PGGT1B: variants seen among roughly 807,000 people sequenced by gnomAD.
The protein encoded by PGGT1B is protein geranylgeranyltransferase type I subunit beta, also known as geranylgeranyl transferase type-1 subunit beta.
In PGGT1B, 30 loss-of-function variants were observed where a neutral mutation model predicts 46.1. That is an observed-to-expected ratio of 0.65 (90% CI 0.49 to 0.88). The LOEUF is 0.88. PGGT1B is among the 40% of genes least tolerant of loss of function. The pLI is 0.00. For missense variants in PGGT1B, 376 were observed against 455.9 expected, an observed-to-expected ratio of 0.82 and a Z score of 1.60; for synonymous variants, 170 against 160.0, an observed-to-expected ratio of 1.06 and a Z score of -0.47.
chr5:115,224,542 T>C (rs2126998063), intron 6 of PGGT1B, among the ~76,000 whole-genome samples: 1 of 152,268 alleles, frequency 6.6e-6, no homozygotes, highest in East Asian at 1.9e-4. Flanking sequence ...TACACAAATC[T>C]CTAAAAAACT....
intron 2 of PGGT1B, among the ~76,000 whole-genome samples, chr5:115,243,073 G>T (rs1757397671): frequency 6.6e-6 from 1 of 151,718 alleles, no homozygotes; most frequent in African/African-American, 2.4e-5. Context: ...ATATATAACA[G>T]AAGTTATAAA....
intron 8 of PGGT1B, among the ~76,000 whole-genome samples, chr5:115,213,771 C>G (rs1483013031): frequency 1.3e-5 from 2 of 152,122 alleles, no homozygotes; most frequent in African/African-American, 2.4e-5. Flanking sequence ...AACCCTGTCT[C>G]AAAACAACAA....
intron 6 of PGGT1B, among the ~76,000 whole-genome samples, chr5:115,226,698 C>T (rs1756794100): frequency 6.6e-6 from 1 of 151,874 alleles, no homozygotes; most frequent in African/African-American, 2.4e-5. Context: ...TCAAATAGTA[C>T]ATTGTACAAG....
At chr5:115,215,350 G>C (rs886625808) in intron 8 of PGGT1B, among the ~76,000 whole-genome samples, 1 of 151,972 alleles carries the variant, frequency 6.6e-6, no homozygotes, top group Non-Finnish European at 1.5e-5. Context: ...CCAGGCTGGA[G>C]TGCAGTGGTG....
chr5:115,262,674 G>A lies in PGGT1B; in HGVS notation c.140+38C>T, dbSNP rs545478435. 18 of 1,574,144 alleles carry A rather than the reference G, an allele frequency of 1.1e-5. No homozygotes were observed. In the African/African-American group the frequency reaches 1.5e-4, roughly 13 times the overall value. ...CGCCGCGCCTTTCCGCTGGAGCCCG[G>A]GCCTTGTGCCAGCCTGGCTGACTGT... On this transcript the variant is annotated intron_variant, in intron 1 of 8. Transcript: ENST00000419445.
Position 115,216,918 on chromosome 5 carries a change from G to A in PGGT1B, c.899C>T (p.Ser300Leu). ...NFEKNRNYIL[S>L]TQDRLVGGFA... ...TCCCCCTACAAGGCGATCTTGAGTT[G>A]ATAAGATGTAATTTCTATTTTTCTC... The change falls in exon 8 of 9, where the codon TCA (serine) becomes TTA (leucine). Residue 300 changes from serine to leucine, a missense_variant. Ser to Leu is a moderately radical substitution (Grantham distance 145). Around this residue, in one of 2 missense-constraint regions of PGGT1B, gnomAD observed 222 missense variants for 313.6 expected, o/e 0.71. Coordinates refer to ENST00000419445, the MANE Select transcript of PGGT1B (RefSeq NM_005023.4). The A allele has an allele frequency of 6.3e-7, 1 of 1,595,494 alleles. No individual in the cohort carries two copies. Among genetic ancestry groups the A allele is most frequent in the South Asian group, 1.1e-5 (1 of 90,228 alleles).
chr5:115,218,098 T>G (rs1356475132), intron 7 of PGGT1B, among the ~76,000 whole-genome samples: 1 of 151,762 alleles, frequency 6.6e-6, no homozygotes, highest in Non-Finnish European at 1.5e-5. Flanking sequence ...AGGTAGAAGA[T>G]GAGGAAAATA....
chr5:115,234,386 G>A (rs564208449), intron 5 of PGGT1B, among the ~76,000 whole-genome samples: 1 of 151,966 alleles, frequency 6.6e-6, no homozygotes, highest in East Asian at 1.9e-4. Flanking sequence ...TAAGAAGAGG[G>A]GGGAATACAG....
At position 115,207,065 on chromosome 5, in the gene PGGT1B, A is replaced by G. The variant is rs1205274948; in HGVS notation, c.*5337T>C. On this transcript the variant is annotated 3_prime_UTR_variant, in exon 9 of 9. Transcript: ENST00000419445. ...CAAGAGTTTTTTTAGTTTTCCTCATACAGATTTTAGATGTGTCTTAAATTT... is the reference window on the plus strand; with the variant it reads ...CAAGAGTTTTTTTAGTTTTCCTCATGCAGATTTTAGATGTGTCTTAAATTT... The G allele has an allele frequency of 4.0e-5, 6 of 151,056 alleles. No individual in the cohort carries two copies. The East Asian group carries it at 9.7e-4, about 24-fold the overall frequency. The allele number at this position is 151,056 out of a possible 1,614,324, so 9.4% of individuals were successfully genotyped here. A position where few individuals can be genotyped will look rare whatever the true frequency, so the allele number is the denominator to read the frequency against.
At position 115,212,262 on chromosome 5, in the gene PGGT1B, A is replaced by G. The variant is rs1756256500; in HGVS notation, c.*140T>C. 5.5e-6 allele frequency: 8 copies of G among 1,463,154 alleles called. No homozygotes were observed. The highest frequency in any genetic ancestry group is 7.3e-6 in the Non-Finnish European group (8 of 1,102,978). 90.6% of individuals were successfully genotyped at this position (1,463,154 alleles called of 1,614,324 possible). A position where few individuals can be genotyped will look rare whatever the true frequency, so the allele number is the denominator to read the frequency against. On this transcript the variant is annotated 3_prime_UTR_variant, in exon 9 of 9. Transcript: ENST00000419445. ...GTATAAAGATTACTGGCTCAAGACCATATCCCAAAGTGAAATCAGCAGGAG... is the reference window on the plus strand; with the variant it reads ...GTATAAAGATTACTGGCTCAAGACCGTATCCCAAAGTGAAATCAGCAGGAG...
intron 7 of PGGT1B, among the ~76,000 whole-genome samples, chr5:115,221,031 C>T (rs1756572730): frequency 6.6e-6 from 1 of 151,964 alleles, no homozygotes. Flanking sequence ...AATTGAAATG[C>T]ACCTGAGAAA....
intron 7 of PGGT1B, among the ~76,000 whole-genome samples, chr5:115,219,326 G>A (rs913086990): frequency 3.3e-5 from 5 of 151,706 alleles, no homozygotes; most frequent in Admixed American, 6.6e-5. Context: ...TTTTGACAAG[G>A]GTGCCAAAAC....
intron 3 of PGGT1B, among the ~76,000 whole-genome samples, chr5:115,239,104 T>C (rs2127013667): frequency 6.6e-6 from 1 of 152,100 alleles, no homozygotes; most frequent in Non-Finnish European, 1.5e-5. Flanking sequence ...AGTGGCACAA[T>C]CTCGCTCACT....
rs956876266 is a variant in PGGT1B at position 115,211,048 on chromosome 5, T to C, written c.*1354A>G. 3 of 152,084 alleles carry C rather than the reference T, an allele frequency of 2.0e-5. No individual in the cohort carries two copies. Among genetic ancestry groups the C allele is most frequent in the Non-Finnish European group, 4.4e-5 (3 of 67,940 alleles). The allele number at this position is 152,084 out of a possible 1,614,324, so 9.4% of individuals were successfully genotyped here. A position where few individuals can be genotyped will look rare whatever the true frequency, so the allele number is the denominator to read the frequency against. ...AAAGATAACATTTAAAGTATTACAA[T>C]GCCTAAACAGTGATACCAGTAATCC... On this transcript the variant is annotated 3_prime_UTR_variant, in exon 9 of 9. Transcript: ENST00000419445.
intron 5 of PGGT1B, among the ~76,000 whole-genome samples, chr5:115,235,322 A>G (rs918501655): frequency 2.0e-5 from 3 of 152,094 alleles, no homozygotes; most frequent in Admixed American, 2.0e-4. Flanking sequence ...TTCAAACAGT[A>G]GAATTTTAAC....
At chr5:115,233,197 T>G (rs753076137) in intron 5 of PGGT1B, among the ~76,000 whole-genome samples, 4 of 151,930 alleles carry the variant, frequency 2.6e-5, no homozygotes, top group African/African-American at 9.7e-5. Context: ...AAAACTGTAA[T>G]GTAGCACTCC....
At chr5:115,222,724 C>T (rs1580749350) in intron 6 of PGGT1B, among the ~76,000 whole-genome samples, 1 of 152,108 alleles carries the variant, frequency 6.6e-6, no homozygotes, top group East Asian at 1.9e-4. Context: ...TGGAATCAAC[C>T]CAAACATCCA....
chr5:115,215,857 TTAAC>T (rs1203526691), intron 8 of PGGT1B, among the ~76,000 whole-genome samples: 1 of 152,218 alleles, frequency 6.6e-6, no homozygotes, highest in East Asian at 1.9e-4. Context: ...AACTAATTCT[TTAAC>T]TACTTGCTTA....
Position 115,216,341 on chromosome 5 carries a change from C to T in PGGT1B, c.952+524G>A, listed in dbSNP as rs527930325. ...TTTTAGTAGAGTCGGGGTTTCAACA[C>T]GTTGGCCAGGCTGGTCTTGAACTCC... On this transcript the variant is annotated intron_variant, in intron 8 of 8. Transcript: ENST00000419445. Among the ~76,000 whole-genome samples the T allele has an allele frequency of 2.0e-4, 31 of 152,028 alleles. No homozygotes were observed. The East Asian group carries it at 4.9e-3, about 24-fold the overall frequency.
Sources: allele counts gnomAD v4.1 joint callset (sites outside exome capture counted in the v4.1 genomes callset), GRCh38; gene constraint gnomAD v4.1.1; regional missense constraint gnomAD v4.1.1; transcripts MANE v1.5; gene names NCBI Gene and HGNC (gene_info 2026-07-23, HGNC 2026-07-21).